The following XKR4 variants were observed in gnomAD, a reference collection of about 807,000 sequenced individuals.
XKR4 encodes the protein XK related 4, also known as XK-related protein 4.
XKR4 carries 12 observed loss-of-function variants against 53.9 expected under a neutral mutation model. The observed-to-expected ratio is 0.22, with a 90% CI of 0.14 to 0.36. The LOEUF (loss-of-function observed/expected upper bound fraction) is 0.36, where lower values mean the gene tolerates loss of function less well. XKR4 is among the 10% of genes least tolerant of loss of function. The pLI is 1.00. For missense variants in XKR4, 799 were observed against 859.5 expected (o/e 0.93, Z 0.88); for synonymous variants, 354 against 362.4 (o/e 0.98, Z 0.26).
intron 2 of XKR4, among the ~76,000 whole-genome samples, chr8:55,427,035 G>A (rs976581845): frequency 8.5e-5 from 13 of 152,162 alleles, no homozygotes; most frequent in African/African-American, 3.1e-4. Context: ...AATCAGGTCA[G>A]TGCCACATAT....
chr8:55,225,154 A>G (rs1817936413), intron 1 of XKR4, among the ~76,000 whole-genome samples: 1 of 152,258 alleles, frequency 6.6e-6, no homozygotes. Context: ...GTCACACAGT[A>G]TGACTATGCA....
intron 1 of XKR4, among the ~76,000 whole-genome samples, chr8:55,149,901 C>T (rs1816818973): frequency 6.6e-6 from 1 of 152,130 alleles, no homozygotes; most frequent in Non-Finnish European, 1.5e-5. Flanking sequence ...CCAATCCATA[C>T]AAGGGGAAAC....
intron 2 of XKR4, among the ~76,000 whole-genome samples, chr8:55,371,673 C>T (rs1876232): frequency 0.12 from 18,441 of 152,184 alleles, 1,220 homozygotes; most frequent in African/African-American, 0.17. Flanking sequence ...TTTAAAAGTA[C>T]TGGCAGAATA....
chr8:55,425,400 C>T (rs185528382), intron 2 of XKR4, among the ~76,000 whole-genome samples: 8,617 of 77,822 alleles, frequency 0.11, 566 homozygotes, highest in African/African-American at 0.2. Context: ...TTTCATTCAA[C>T]GCACTCTCGT....
intron 1 of XKR4, among the ~76,000 whole-genome samples, chr8:55,336,161 G>A (rs963597054): frequency 8.6e-5 from 13 of 151,936 alleles, no homozygotes; most frequent in Non-Finnish European, 5.9e-5. Flanking sequence ...CCCATGTGTC[G>A]TGGGAGGAAC....
At chr8:55,517,242 T>C (rs1301080430) in intron 2 of XKR4, 1 of 152,080 alleles carries the variant, frequency 6.6e-6, no homozygotes, top group Non-Finnish European at 1.5e-5. Context: ...AACATAGGCA[T>C]GCAAGAAATC....
chr8:55,371,330 A>C (rs1804067442), intron 2 of XKR4, among the ~76,000 whole-genome samples: 2 of 151,996 alleles, frequency 1.3e-5, no homozygotes, highest in Non-Finnish European at 2.9e-5. Flanking sequence ...AGTCTCCACA[A>C]AGCAATGGAA....
chr8:55,337,101 A>G (rs1162868741), intron 1 of XKR4, among the ~76,000 whole-genome samples: 1 of 152,194 alleles, frequency 6.6e-6, no homozygotes, highest in Non-Finnish European at 1.5e-5. Context: ...TTTACCCAAC[A>G]GTGGATGTGA....
At position 55,102,404 on chromosome 8, in the gene XKR4, G is replaced by A. The variant is rs1277187565; in HGVS notation, c.-85G>A. On this transcript the variant is annotated 5_prime_UTR_variant, in exon 1 of 3. Transcript: ENST00000327381. The surrounding 1 kb of genome is among the most constrained non-coding windows in gnomAD (Gnocchi z 5.1). ...GCCGCACCGCCTGGGAGGGAAGCCG[G>A]GGCGAGGCGAGGAGGTGGCGGGAGG... 30 of 1,429,236 alleles carry A rather than the reference G, an allele frequency of 2.1e-5. No homozygotes were observed. Among genetic ancestry groups the A allele is most frequent in the Non-Finnish European group, 2.6e-5 (28 of 1,076,534 alleles). The allele number at this position is 1,429,236 out of a possible 1,614,324, so 88.5% of individuals were successfully genotyped here.
intron 1 of XKR4, among the ~76,000 whole-genome samples, chr8:55,234,075 G>T (rs887604823): frequency 6.6e-6 from 1 of 152,166 alleles, no homozygotes; most frequent in Non-Finnish European, 1.5e-5. Flanking sequence ...GGAAACTGTG[G>T]TCAAGATAGA....
chr8:55,218,317 A>AT (rs1260273266), intron 1 of XKR4, among the ~76,000 whole-genome samples: 1 of 152,200 alleles, frequency 6.6e-6, no homozygotes, highest in African/African-American at 2.4e-5. Flanking sequence ...ACCAAAGGAC[A>AT]TTTTTTCCCT....
intron 1 of XKR4, among the ~76,000 whole-genome samples, chr8:55,190,715 G>A (rs1817434852): frequency 6.6e-6 from 1 of 152,248 alleles, no homozygotes; most frequent in South Asian, 2.1e-4. Flanking sequence ...ACAGACAGGG[G>A]CCATCACTTG....
In XKR4 at chr8:55,541,001, C is replaced by A. The variant is rs1807093449; in HGVS notation, c.*16774C>A. 6.6e-6 allele frequency: 1 copy of A among 152,270 alleles called. No individual in the cohort carries two copies. Among genetic ancestry groups the A allele is most frequent in the African/African-American group, 2.4e-5 (1 of 41,566 alleles). 9.4% of individuals were successfully genotyped at this position (152,270 alleles called of 1,614,324 possible). ...AGAAAAATAGAAACATCGTGCTTAG[C>A]ATGAAACCATTGCACAATATAAACC... On this transcript the variant is annotated 3_prime_UTR_variant, in exon 3 of 3. Transcript: ENST00000327381.
intron 2 of XKR4, among the ~76,000 whole-genome samples, chr8:55,383,379 T>C (rs1391286484): frequency 1.3e-5 from 2 of 152,244 alleles, no homozygotes; most frequent in East Asian, 3.9e-4. Context: ...TGATTCTCAG[T>C]ACATATAGCA....
intron 1 of XKR4, among the ~76,000 whole-genome samples, chr8:55,310,746 T>C (rs559414244): frequency 1.3e-5 from 2 of 152,308 alleles, no homozygotes; most frequent in African/African-American, 2.4e-5. Context: ...GAGTTCTTTA[T>C]ATGGTTTTCA....
chr8:55,407,876 T>C (rs906550405), intron 2 of XKR4, among the ~76,000 whole-genome samples: 6 of 152,256 alleles, frequency 3.9e-5, no homozygotes, highest in Non-Finnish European at 8.8e-5. Context: ...GTCCATTCTT[T>C]CATGGGAGAC....
rs544954292 is a variant in XKR4, at chr8:55,524,304, C to T, written c.*77C>T. 70 of 1,404,840 alleles carry T rather than the reference C, an allele frequency of 5.0e-5. No individual in the cohort carries two copies. Among genetic ancestry groups the T allele is most frequent in the Admixed American group, 2.4e-4 (12 of 49,072 alleles). The allele number at this position is 1,404,840 out of a possible 1,614,324, so 87.0% of individuals were successfully genotyped here. A position where few individuals can be genotyped will look rare whatever the true frequency, so the allele number is the denominator to read the frequency against. The stretch of plus-strand genomic sequence containing the variant: ...GGCTGTGGCCATAATGACACTTCAT[C>T]CTAGAGCAGGGCAGTGAGCCGTGAA... On this transcript the variant is annotated 3_prime_UTR_variant, in exon 3 of 3. Transcript: ENST00000327381.
At position 55,541,522 on chromosome 8, in the gene XKR4, G is replaced by A. The variant is rs1807100582; in HGVS notation, c.*17295G>A. 6.6e-6 allele frequency: 1 copy of A among 152,046 alleles called. No individual in the cohort carries two copies. Among genetic ancestry groups the A allele is most frequent in the Non-Finnish European group, 1.5e-5 (1 of 68,020 alleles). The allele number at this position is 152,046 out of a possible 1,614,324, so 9.4% of individuals were successfully genotyped here. ...CAACTATCTGCATGACATTCTGATT[G>A]TGCAAAAATGCCATTCCTGTGCTTC... On this transcript the variant is annotated 3_prime_UTR_variant, in exon 3 of 3. Coordinates refer to ENST00000327381, the MANE Select transcript of XKR4 (RefSeq NM_052898.2).
chr8:55,287,193 A>G (rs1818919748), intron 1 of XKR4, among the ~76,000 whole-genome samples: 1 of 152,126 alleles, frequency 6.6e-6, no homozygotes, highest in African/African-American at 2.4e-5. Context: ...ACAAAAACAA[A>G]TCACCAAACA....
Sources: gnomAD v4.1 joint callset for allele counts (sites outside exome capture counted in the v4.1 genomes callset) on GRCh38, gnomAD v4.1.1 for gene constraint, Gnocchi (gnomAD v3.1) non-coding constraint, MANE v1.5 for transcripts, NCBI Gene and HGNC (gene_info 2026-07-23, HGNC 2026-07-21) for gene names.